The following CASD1 variants were observed in gnomAD, a reference collection of about 807,000 sequenced individuals.
The protein encoded by CASD1 is CAS1 domain sialic acid O acetyltransferase 1, also known as N-acetylneuraminate (7)9-O-acetyltransferase.
In CASD1, 41 loss-of-function variants were observed where a neutral mutation model predicts 100.0. The ratio of observed to expected loss-of-function variants is 0.41; its 90% confidence interval spans 0.32 to 0.53. The LOEUF (loss-of-function observed/expected upper bound fraction) is 0.53. Ranked by LOEUF, CASD1 falls within the 20% of genes least tolerant of loss-of-function variation. CASD1 has a pLI of 0.25. For synonymous variants in CASD1, 321 were observed against 315.6 expected, an observed-to-expected ratio of 1.02 and a Z score of -0.18; for missense variants, 774 against 948.7, an observed-to-expected ratio of 0.82 and a Z score of 2.42.
intron 13 of CASD1, 108 bp downstream of exon 13, chr7:94,547,283 T>C (rs1795726498): frequency 1.5e-6 from 1 of 674,600 alleles, no homozygotes. Flanking sequence ...CATTTTTTAA[T>C]GACTGTAATA....
At chr7:94,567,999 T>C in the CASD1 span, among the ~76,000 whole-genome samples, 3 of 152,204 alleles carry the variant, frequency 2.0e-5, no homozygotes, top group Admixed American at 6.5e-5. Context: ...ACAGGTTTTT[T>C]AAGAAATAAG....
chr7:94,593,286 T>A, the CASD1 span, among the ~76,000 whole-genome samples: 1 of 152,034 alleles, frequency 6.6e-6, no homozygotes, highest in African/African-American at 2.4e-5. Context: ...ATGTTTAGAA[T>A]AATGAATAAG....
chr7:94,532,443 G>T (rs1794896632), intron 5 of CASD1, among the ~76,000 whole-genome samples: 1 of 152,120 alleles, frequency 6.6e-6, no homozygotes, highest in Non-Finnish European at 1.5e-5. Context: ...TAATGGGCAG[G>T]TAGCATATAC....
intron 6 of CASD1, 31 bp from the exon 7 acceptor site, chr7:94,533,648 A>C: frequency 6.5e-7 from 1 of 1,543,796 alleles, no homozygotes; most frequent in East Asian, 2.3e-5. Flanking sequence ...GATAAATACT[A>C]AATTAATGCA....
the CASD1 span, among the ~76,000 whole-genome samples, chr7:94,569,399 A>G: frequency 5.3e-5 from 8 of 152,214 alleles, no homozygotes; most frequent in Non-Finnish European, 1.0e-4. Context: ...TTATGTATTT[A>G]TAGGGAAAAA....
chr7:94,570,745 T>C, the CASD1 span, among the ~76,000 whole-genome samples: 2 of 152,230 alleles, frequency 1.3e-5, no homozygotes, highest in Non-Finnish European at 2.9e-5. Flanking sequence ...TCCAACCACC[T>C]TGGCCTCCCA....
intron 8 of CASD1, 25 bp downstream of exon 8, chr7:94,535,548 T>A (rs1275225291): frequency 1.3e-6 from 2 of 1,494,442 alleles, no homozygotes; most frequent in South Asian, 1.1e-5. Flanking sequence ...CATATGTCAG[T>A]AGATGGAGAC....
the CASD1 span, chr7:94,628,364 A>T: frequency 6.2e-7 from 1 of 1,603,364 alleles, no homozygotes; most frequent in South Asian, 1.1e-5. Context: ...TCTCGCCTAG[A>T]TAAGAAACAG....
chr7:94,557,749 A>G (rs1584444659), downstream of CASD1, among the ~76,000 whole-genome samples: 2 of 151,750 alleles, frequency 1.3e-5, no homozygotes, highest in African/African-American at 2.4e-5. Context: ...TTTTTTACAT[A>G]TAATTATATA....
the CASD1 span, among the ~76,000 whole-genome samples, chr7:94,595,271 T>A: frequency 6.6e-6 from 1 of 152,178 alleles, no homozygotes; most frequent in South Asian, 2.1e-4. Context: ...TCTCTATAAC[T>A]TTGATGTAAA....
chr7:94,596,309 T>C, the CASD1 span, among the ~76,000 whole-genome samples: 1 of 152,152 alleles, frequency 6.6e-6, no homozygotes. Flanking sequence ...GCTATTCTTA[T>C]TTTCAATATA....
chr7:94,556,997 CTATA>C lies in CASD1; in HGVS notation c.*1241_*1244del, dbSNP rs1409519916. The C allele has an allele frequency of 6.6e-6, 1 of 151,876 alleles. No homozygotes were observed. The highest frequency in any genetic ancestry group is 1.5e-5 in the Non-Finnish European group (1 of 67,910). The allele number at this position is 151,876 out of a possible 1,614,324, so 9.4% of individuals were successfully genotyped here. A position where few individuals can be genotyped will look rare whatever the true frequency, so the allele number is the denominator to read the frequency against. On this transcript the variant is annotated 3_prime_UTR_variant, in exon 18 of 18. Coordinates refer to ENST00000297273, the MANE Select transcript of CASD1 (RefSeq NM_022900.5). ...TTGTATTGGCAAAGTATCAATTAAA[CTATA>C]TGTGTTCTTTTTCAAAAATGCTGGA...
At chr7:94,607,698 T>G in the CASD1 span, among the ~76,000 whole-genome samples, 2 of 152,136 alleles carry the variant, frequency 1.3e-5, no homozygotes, top group African/African-American at 2.4e-5. Flanking sequence ...AAACTTGAAG[T>G]TTTCCTACTA....
intron 11 of CASD1, among the ~76,000 whole-genome samples, chr7:94,545,319 G>A (rs1795622316): frequency 6.6e-6 from 1 of 152,002 alleles, no homozygotes; most frequent in Admixed American, 6.6e-5. Flanking sequence ...TTGGTGCTTT[G>A]CTGGGATTTA....
At chr7:94,517,092 T>C (rs959870862) in intron 1 of CASD1, among the ~76,000 whole-genome samples, 2 of 151,932 alleles carry the variant, frequency 1.3e-5, no homozygotes, top group Admixed American at 1.3e-4. Context: ...TTAGTAGAGA[T>C]GGTGTTTCAC....
At chr7:94,549,497 A>G (rs779727998) in intron 13 of CASD1, 36 bp from the exon 14 acceptor site, 1 of 1,429,460 alleles carries the variant, frequency 7.0e-7, no homozygotes, top group South Asian at 1.2e-5. Context: ...ATTGACTTGT[A>G]CCATCTTAAT....
chr7:94,601,443 CAAAAAAAAAAAAAAA>C, the CASD1 span, among the ~76,000 whole-genome samples: 2 of 89,336 alleles, frequency 2.2e-5, no homozygotes, highest in Non-Finnish European at 4.1e-5. Context: ...ATCCCAGTAT[CAAAAAAAAAAAAAAA>C]AAAAAAAAAA....
At chr7:94,598,605 T>C in the CASD1 span, 6 of 642,444 alleles carry the variant, frequency 9.3e-6, no homozygotes, top group South Asian at 1.1e-4. Context: ...CTAAAAGTAA[T>C]TGTATTGTAT....
downstream of CASD1, among the ~76,000 whole-genome samples, chr7:94,560,551 G>T (rs1420356399): frequency 6.6e-6 from 1 of 152,192 alleles, no homozygotes. Context: ...AGAGTAACGG[G>T]AGAAGTGGGA....
Sources: gnomAD v4.1 joint callset for allele counts (sites outside exome capture counted in the v4.1 genomes callset) on GRCh38, gnomAD v4.1.1 for gene constraint, MANE v1.5 for transcripts, NCBI Gene and HGNC (gene_info 2026-07-23, HGNC 2026-07-21) for gene names.